The following ARHGAP28 variants were observed in gnomAD, a reference collection of about 807,000 sequenced individuals.
ARHGAP28 encodes rho GTPase-activating protein 28.
ARHGAP28 carries 56 observed loss-of-function variants against 90.7 expected under a neutral mutation model. The observed-to-expected ratio is 0.62, with a 90% CI of 0.50 to 0.77. ARHGAP28 has a LOEUF of 0.77. ARHGAP28 is among the 30% of genes least tolerant of loss of function. The probability of loss-of-function intolerance (pLI) is 0.00; values close to 1 mark genes in which losing one functional copy is unlikely to be tolerated. For missense variants in ARHGAP28, 869 were observed against 900.9 expected (o/e 0.96, Z 0.45); for synonymous variants, 308 against 323.3 (o/e 0.95, Z 0.51).
intron 1 of ARHGAP28, among the ~76,000 whole-genome samples, chr18:6,762,411 T>C (rs1331474230): frequency 6.6e-6 from 1 of 152,218 alleles, no homozygotes; most frequent in Non-Finnish European, 1.5e-5. Flanking sequence ...ATTTTGCTGT[T>C]TCTCTTTTTC....
intron 1 of ARHGAP28, among the ~76,000 whole-genome samples, chr18:6,764,424 A>G (rs1307013168): frequency 6.6e-6 from 1 of 152,206 alleles, no homozygotes; most frequent in African/African-American, 2.4e-5. Flanking sequence ...CTTGGAGCAT[A>G]TCCCCTGAGG....
In ARHGAP28 at chr18:6,729,921, G is replaced by T; in HGVS notation, c.100G>T (p.Ala34Ser). Residue 34 changes from alanine to serine, a missense_variant, in exon 1 of 18, where the codon GCA becomes TCA. Physicochemically the swap from Ala to Ser is moderately conservative, Grantham distance 99. Transcript: ENST00000383472. The part of the protein sequence containing the change: ...NAESRCAPRA[A>S]ASHPLSRKSI... The stretch of plus-strand genomic sequence containing the variant: ...CGAGTCGCGCTGCGCGCCCCGCGCC[G>T]CAGCCAGCCACCCGCTCAGCAGGTA... The T allele has an allele frequency of 7.1e-7, 1 of 1,400,746 alleles. No homozygotes were observed. The highest frequency in any genetic ancestry group is 1.6e-5 in the South Asian group (1 of 64,084). The allele number at this position is 1,400,746 out of a possible 1,614,324, so 86.8% of individuals were successfully genotyped here. A position where few individuals can be genotyped will look rare whatever the true frequency, so the allele number is the denominator to read the frequency against.
chr18:6,865,588 A>G (rs562493885), intron 5 of ARHGAP28, among the ~76,000 whole-genome samples: 16 of 152,316 alleles, frequency 1.1e-4, no homozygotes, highest in South Asian at 4.1e-4. Context: ...CCAAACAGCC[A>G]GTCAGAGAGA....
intron 1 of ARHGAP28, among the ~76,000 whole-genome samples, chr18:6,821,442 T>C (rs967068198): frequency 1.3e-5 from 2 of 152,238 alleles, no homozygotes; most frequent in Non-Finnish European, 2.9e-5. Flanking sequence ...TGATGAAGCC[T>C]AAACTCCATT....
At chr18:6,855,942 C>T (rs2056949918) in intron 4 of ARHGAP28, among the ~76,000 whole-genome samples, 1 of 152,254 alleles carries the variant, frequency 6.6e-6, no homozygotes, top group South Asian at 2.1e-4. Context: ...CGCTTGCTCA[C>T]ACACCCCTTG....
At chr18:6,759,341 A>G (rs1396888189) in intron 1 of ARHGAP28, among the ~76,000 whole-genome samples, 3 of 152,146 alleles carry the variant, frequency 2.0e-5, no homozygotes, top group Non-Finnish European at 4.4e-5. Flanking sequence ...CTTTTCACTT[A>G]GAACATTCTA....
intron 16 of ARHGAP28, among the ~76,000 whole-genome samples, chr18:6,903,072 A>G (rs1244496703): frequency 2.0e-5 from 3 of 152,198 alleles, no homozygotes; most frequent in Non-Finnish European, 4.4e-5. Context: ...AAGGATAAAC[A>G]CTATGTGACG....
intron 3 of ARHGAP28, among the ~76,000 whole-genome samples, chr18:6,849,532 C>A (rs780082244): frequency 4.6e-5 from 7 of 152,142 alleles, no homozygotes; most frequent in Non-Finnish European, 1.0e-4. Flanking sequence ...GTGCCTTTTA[C>A]TCTTTGAGCA....
chr18:6,828,526 C>T (rs964841838), intron 2 of ARHGAP28, among the ~76,000 whole-genome samples: 3 of 152,202 alleles, frequency 2.0e-5, no homozygotes, highest in African/African-American at 4.8e-5. Flanking sequence ...ATATTTCCTA[C>T]ATTTTCTTCT....
At chr18:6,825,476 T>C (rs1009211557) in intron 2 of ARHGAP28, among the ~76,000 whole-genome samples, 1 of 152,204 alleles carries the variant, frequency 6.6e-6, no homozygotes, top group African/African-American at 2.4e-5. Context: ...ATAAAAGCCA[T>C]GTTGTTGTTT....
At chr18:6,797,505 C>T (rs1343004714) in intron 1 of ARHGAP28, among the ~76,000 whole-genome samples, 1 of 152,170 alleles carries the variant, frequency 6.6e-6, no homozygotes, top group Admixed American at 6.5e-5. Flanking sequence ...CCCCACCTCC[C>T]TCTTCCCGGT....
At chr18:6,731,543 G>A (rs374409329) in intron 1 of ARHGAP28, among the ~76,000 whole-genome samples, 10 of 152,174 alleles carry the variant, frequency 6.6e-5, no homozygotes, top group Admixed American at 3.3e-4. Flanking sequence ...GTCAGAGCTA[G>A]TATTTCACCT....
rs1232585529 is a variant in ARHGAP28 at position 6,729,845 on chromosome 18, C to T, written c.24C>T (p.Gly8=). MEVEDSG[G]VVLTAYHSYA... ...CGATGGAGGTGGAGGACTCGGGCGG[C>T]GTGGTGCTGACCGCCTACCACTCGT... Residue 8 remains glycine (G), a synonymous_variant, in exon 1 of 18, where the codon GGC becomes GGT. Transcript: ENST00000383472. 1 of 1,428,986 alleles carries T rather than the reference C, an allele frequency of 7.0e-7. No individual in the cohort carries two copies. The highest frequency in any genetic ancestry group is 9.1e-7 in the Non-Finnish European group (1 of 1,094,694). The allele number at this position is 1,428,986 out of a possible 1,614,324, so 88.5% of individuals were successfully genotyped here.
At chr18:6,765,207 T>C (rs1041019313) in intron 1 of ARHGAP28, among the ~76,000 whole-genome samples, 17 of 152,184 alleles carry the variant, frequency 1.1e-4, no homozygotes, top group African/African-American at 4.1e-4. Context: ...TTTACCTCTT[T>C]TCTGTGCAAG....
At chr18:6,760,308 G>A (rs2056148736) in intron 1 of ARHGAP28, among the ~76,000 whole-genome samples, 1 of 152,086 alleles carries the variant, frequency 6.6e-6, no homozygotes, top group Non-Finnish European at 1.5e-5. Context: ...TAATTTGTAG[G>A]AGTACTCTCA....
In ARHGAP28 at chr18:6,793,477, TA is replaced by T. The variant is rs377684402; in HGVS notation, c.123-31284del. On this transcript the variant is annotated intron_variant, in intron 1 of 17. Transcript: ENST00000383472. ...TGGACGGCTTTGAGGTGGACAGAGA[TA>T]GGGTGGAAGAAGAGAGTTAAATTTA... Among the ~76,000 whole-genome samples the T allele has an allele frequency of 3.1e-4, 47 of 152,272 alleles. No individual in the cohort carries two copies. In the East Asian group the frequency reaches 8.3e-3, roughly 27 times the overall value.
intron 4 of ARHGAP28, among the ~76,000 whole-genome samples, chr18:6,854,008 C>T (rs1232221961): frequency 1.3e-5 from 2 of 152,086 alleles, no homozygotes; most frequent in Admixed American, 6.5e-5. Context: ...TCTAAATTGA[C>T]TGAGACCTTT....
chr18:6,803,117 G>A (rs1164538025), intron 1 of ARHGAP28, among the ~76,000 whole-genome samples: 1 of 152,012 alleles, frequency 6.6e-6, no homozygotes, highest in Non-Finnish European at 1.5e-5. Flanking sequence ...AGAACTTTTA[G>A]TACAATGTTG....
At chr18:6,898,658 T>G in intron 16 of ARHGAP28, 1 of 1,492,198 alleles carries the variant, frequency 6.7e-7, no homozygotes, top group Non-Finnish European at 8.9e-7. Flanking sequence ...AAAACTGACT[T>G]TGTACTCTCA....
Sources: allele counts gnomAD v4.1 joint callset (sites outside exome capture counted in the v4.1 genomes callset), GRCh38; gene constraint gnomAD v4.1.1; transcripts MANE v1.5; gene names NCBI Gene and HGNC (gene_info 2026-07-23, HGNC 2026-07-21).